EYA4: variants seen among roughly 807,000 people sequenced by gnomAD.
EYA4 encodes the protein EYA transcriptional coactivator and phosphatase 4, also known as protein phosphatase EYA4.
In EYA4, 31 loss-of-function variants were observed where a neutral mutation model predicts 87.9. That is an observed-to-expected ratio of 0.35 (90% CI 0.27 to 0.48). EYA4 has a LOEUF of 0.48. Ranked by LOEUF, EYA4 falls within the 20% of genes least tolerant of loss-of-function variation. The pLI is 0.99. For missense variants in EYA4, 678 were observed against 761.4 expected (o/e 0.89, Z 1.29); for synonymous variants, 263 against 270.6 (o/e 0.97, Z 0.28).
intron 13 of EYA4, among the ~76,000 whole-genome samples, chr6:133,494,816 A>C (rs1006824638): frequency 6.6e-6 from 1 of 151,906 alleles, no homozygotes; most frequent in Non-Finnish European, 1.5e-5. Context: ...ACACCACTGC[A>C]TTCCAGCCCA....
chr6:133,497,080 T>C (rs1797706717), intron 13 of EYA4, among the ~76,000 whole-genome samples: 1 of 152,196 alleles, frequency 6.6e-6, no homozygotes, highest in African/African-American at 2.4e-5. Context: ...GGCCCTTGGC[T>C]GAGTGTCCTG....
chr6:133,301,245 CA>C (rs1220702616), intron 2 of EYA4, among the ~76,000 whole-genome samples: 1 of 152,134 alleles, frequency 6.6e-6, no homozygotes, highest in African/African-American at 2.4e-5. Context: ...AAAACATTTA[CA>C]GAGAATTTCC....
intron 2 of EYA4, among the ~76,000 whole-genome samples, chr6:133,368,325 C>T (rs1461135865): frequency 6.6e-6 from 1 of 152,134 alleles, no homozygotes; most frequent in Non-Finnish European, 1.5e-5. Flanking sequence ...TACAATCCAC[C>T]CAGGCTTCTT....
intron 2 of EYA4, among the ~76,000 whole-genome samples, chr6:133,292,186 A>G (rs530276875): frequency 1.2e-4 from 18 of 152,354 alleles, no homozygotes; most frequent in African/African-American, 4.1e-4. Context: ...TTTTTGGATG[A>G]TGCAGACACA....
intron 3 of EYA4, among the ~76,000 whole-genome samples, chr6:133,406,890 A>C (rs964017177): frequency 1.2e-4 from 18 of 152,174 alleles, no homozygotes; most frequent in Non-Finnish European, 1.6e-4. Flanking sequence ...AATAATTTAA[A>C]ATTAAAGTTA....
At chr6:133,361,162 T>A (rs1023402574) in intron 2 of EYA4, among the ~76,000 whole-genome samples, 3 of 152,180 alleles carry the variant, frequency 2.0e-5, no homozygotes, top group Non-Finnish European at 4.4e-5. Context: ...TCCATTGTCG[T>A]TGTCACAGAC....
At chr6:133,331,024 C>G (rs557957686) in intron 2 of EYA4, among the ~76,000 whole-genome samples, 2 of 118,990 alleles carry the variant, frequency 1.7e-5, no homozygotes, top group African/African-American at 3.5e-5. Flanking sequence ...TATAACCAAA[C>G]GGGTTTTTTT....
At chr6:133,495,442 A>G (rs1408201878) in intron 13 of EYA4, among the ~76,000 whole-genome samples, 1 of 148,794 alleles carries the variant, frequency 6.7e-6, no homozygotes, top group Non-Finnish European at 1.5e-5. Flanking sequence ...AAATAAATAT[A>G]AAGAAATATA....
At chr6:133,493,828 G>A (rs523571) in intron 13 of EYA4, among the ~76,000 whole-genome samples, 125,028 of 152,182 alleles carry the variant, frequency 0.82, 51,890 homozygotes, top group African/African-American at 0.94. Context: ...AAACAGGTAC[G>A]TGAAAAGGTG....
At chr6:133,509,182 T>A (rs56345650) in intron 14 of EYA4, among the ~76,000 whole-genome samples, 8,123 of 152,254 alleles carry the variant, frequency 0.053, 292 homozygotes, top group Middle Eastern at 0.095. Context: ...TAGCGCCCTA[T>A]CCTTCTGCAT....
At chr6:133,428,216 G>T (rs564966943) in intron 3 of EYA4, among the ~76,000 whole-genome samples, 6 of 152,258 alleles carry the variant, frequency 3.9e-5, no homozygotes, top group Admixed American at 3.9e-4. Context: ...TGCTCAGAGA[G>T]ATATGAGGGC....
Position 133,375,361 on chromosome 6 carries a change from C to T in EYA4, c.34-7031C>T, listed in dbSNP as rs903300319. 4.6e-5 allele frequency among the ~76,000 whole-genome samples: 7 copies of T among 151,834 alleles called. No individual in the cohort carries two copies. The South Asian group carries it at 6.2e-4, about 14-fold the overall frequency. The stretch of plus-strand genomic sequence containing the variant: ...GTATATATTTTCTTTCACACCTGTA[C>T]GTAAGTAAACTTTGGAATAATTTTT... On this transcript the variant is annotated intron_variant, in intron 2 of 19. Transcript: ENST00000355286.
chr6:133,429,756 T>C (rs887320504), intron 3 of EYA4, among the ~76,000 whole-genome samples: 2 of 152,232 alleles, frequency 1.3e-5, no homozygotes, highest in African/African-American at 2.4e-5. Context: ...TTAGTCAACT[T>C]GTCAAGTCTC....
rs71003632 is a variant in EYA4, at chr6:133,294,062, T to TATATATATATAAAA, written c.33+19250_33+19251insTATATATATAAAAA. 2.0e-3 allele frequency among the ~76,000 whole-genome samples: 208 copies of TATATATATATAAAA among 105,096 alleles called. 9 individuals are homozygous for TATATATATATAAAA. The highest frequency in any genetic ancestry group is 3.3e-3 in the Non-Finnish European group (159 of 48,428). The allele number at this position is 105,096 out of a possible 152,430, so 68.9% of individuals were successfully genotyped here. On this transcript the variant is annotated intron_variant, in intron 2 of 19. Transcript: ENST00000355286. The stretch of plus-strand genomic sequence containing the variant: ...ATATATATATATATATATATATATA[T>TATATATATATAAAA]AATTCTATTCTATATATAACATTCT...
intron 10 of EYA4, among the ~76,000 whole-genome samples, chr6:133,465,398 T>G (rs1307452264): frequency 1.3e-5 from 2 of 152,190 alleles, no homozygotes; most frequent in Non-Finnish European, 2.9e-5. Context: ...GATTCCCACT[T>G]TCCTGACAGC....
intron 13 of EYA4, among the ~76,000 whole-genome samples, chr6:133,490,750 A>G (rs1366936106): frequency 6.6e-6 from 1 of 152,204 alleles, no homozygotes; most frequent in African/African-American, 2.4e-5. Context: ...CTTCAATACC[A>G]TAGTCACTGG....
chr6:133,483,868 T>C (rs212771), intron 13 of EYA4, among the ~76,000 whole-genome samples: 66,446 of 151,314 alleles, frequency 0.44, 14,853 homozygotes, highest in Admixed American at 0.48. Flanking sequence ...GGATCACAGG[T>C]GCCCGCCACC....
At chr6:133,286,495 T>G (rs982253205) in intron 2 of EYA4, among the ~76,000 whole-genome samples, 1 of 152,160 alleles carries the variant, frequency 6.6e-6, no homozygotes, top group Non-Finnish European at 1.5e-5. Flanking sequence ...AGATGCTAGT[T>G]TACATAGATA....
At chr6:133,495,258 G>C (rs967703526) in intron 13 of EYA4, among the ~76,000 whole-genome samples, 5 of 151,366 alleles carry the variant, frequency 3.3e-5, no homozygotes, top group African/African-American at 1.2e-4. Context: ...AACAGAGTGA[G>C]ACTCTGTCTC....
Sources: gnomAD v4.1 joint callset for allele counts (sites outside exome capture counted in the v4.1 genomes callset) on GRCh38, gnomAD v4.1.1 for gene constraint, MANE v1.5 for transcripts, NCBI Gene and HGNC (gene_info 2026-07-23, HGNC 2026-07-21) for gene names.